Variants in MNAT1 observed in about 807,000 individuals in gnomAD.
The protein encoded by MNAT1 is CDK-activating kinase assembly factor MAT1.
MNAT1 carries 43 observed loss-of-function variants against 42.0 expected under a neutral mutation model. The observed-to-expected ratio is 1.02, with a 90% CI of 0.80 to 1.32. The LOEUF (loss-of-function observed/expected upper bound fraction) is 1.32. Among genes scored for constraint, MNAT1 ranks in the 40% most tolerant of loss-of-function variants. MNAT1 has a pLI of 0.00. For missense variants in MNAT1, 306 were observed against 350.4 expected (o/e 0.87, Z 1.01); for synonymous variants, 118 against 120.0 (o/e 0.98, Z 0.11).
chr14:60,881,360 T>C (rs566486265), intron 7 of MNAT1, among the ~76,000 whole-genome samples: 9 of 152,124 alleles, frequency 5.9e-5, no homozygotes, highest in African/African-American at 1.7e-4. Flanking sequence ...AATTATTGTA[T>C]TTTTTGTAGA....
At chr14:60,938,970 T>A (rs1047489508) in intron 7 of MNAT1, among the ~76,000 whole-genome samples, 1 of 152,240 alleles carries the variant, frequency 6.6e-6, no homozygotes, top group Non-Finnish European at 1.5e-5. Flanking sequence ...GGAGGGTGTA[T>A]GTGTCAAGGA....
rs527736018 is a variant in MNAT1 at position 60,919,084 on chromosome 14, T to C, written c.809+39249T>C. 6.6e-5 allele frequency among the ~76,000 whole-genome samples: 10 copies of C among 151,496 alleles called. No homozygotes were observed. In the South Asian group the frequency reaches 1.9e-3, roughly 29 times the overall value. ...GAGAGAGACAGACACACAGACAGTCTGCTCAGCATGTCAGCCAGGCAGCAT... is the reference window on the plus strand; with the variant it reads ...GAGAGAGACAGACACACAGACAGTCCGCTCAGCATGTCAGCCAGGCAGCAT... On this transcript the variant is annotated intron_variant, in intron 7 of 7. Coordinates refer to ENST00000261245, the MANE Select transcript of MNAT1 (RefSeq NM_002431.4).
intron 1 of MNAT1, among the ~76,000 whole-genome samples, chr14:60,782,642 A>C (rs2031504452): frequency 6.6e-6 from 1 of 152,192 alleles, no homozygotes; most frequent in Non-Finnish European, 1.5e-5. Context: ...TATATTTCTA[A>C]GCATTTTACC....
At chr14:60,938,566 A>C (rs2036063050) in intron 7 of MNAT1, among the ~76,000 whole-genome samples, 1 of 152,190 alleles carries the variant, frequency 6.6e-6, no homozygotes, top group African/African-American at 2.4e-5. Flanking sequence ...CTTGCATCCC[A>C]GGAATGAAGC....
chr14:60,766,794 C>T (rs2030846044), intron 1 of MNAT1, among the ~76,000 whole-genome samples: 1 of 152,118 alleles, frequency 6.6e-6, no homozygotes, highest in Admixed American at 6.5e-5. Flanking sequence ...GACTAGATTT[C>T]ATTTTGGGGA....
At chr14:60,931,046 A>G (rs907061879) in intron 7 of MNAT1, among the ~76,000 whole-genome samples, 2 of 152,180 alleles carry the variant, frequency 1.3e-5, no homozygotes, top group African/African-American at 4.8e-5. Flanking sequence ...GTATTTGAGA[A>G]GCCTGAAGTA....
At chr14:60,941,855 T>G (rs2139590370) in intron 7 of MNAT1, among the ~76,000 whole-genome samples, 1 of 150,838 alleles carries the variant, frequency 6.6e-6, no homozygotes, top group East Asian at 2.0e-4. Context: ...ATACAAAAAA[T>G]TAGCCGGGCG....
In MNAT1 at chr14:60,968,538, A is replaced by C. The variant is rs114206370; in HGVS notation, c.*189A>C. On this transcript the variant is annotated 3_prime_UTR_variant, in exon 8 of 8. Coordinates refer to ENST00000261245, the MANE Select transcript of MNAT1 (RefSeq NM_002431.4). ...AGGGGATATATATTTGTGAAAAATA[A>C]TTTTTACTTATATTTTTCAGAGGAT... 504 of 1,416,532 alleles carry C rather than the reference A, an allele frequency of 3.6e-4. 1 individual carries two copies. In the African/African-American group the frequency reaches 6.8e-3, roughly 19 times the overall value. 87.7% of individuals were successfully genotyped at this position (1,416,532 alleles called of 1,614,324 possible). A position where few individuals can be genotyped will look rare whatever the true frequency, so the allele number is the denominator to read the frequency against.
rs533161468 is a variant in MNAT1 at position 60,780,957 on chromosome 14, G to A, written c.90-15260G>A. Among the ~76,000 whole-genome samples the A allele has an allele frequency of 1.2e-4, 18 of 152,230 alleles. No homozygotes were observed. In the South Asian group the frequency reaches 3.1e-3, roughly 26 times the overall value. On this transcript the variant is annotated intron_variant, in intron 1 of 7. Coordinates refer to ENST00000261245, the MANE Select transcript of MNAT1 (RefSeq NM_002431.4). ...GGTCAAGTAGCTTGACTCAGTATAG[G>A]TAGGGAGATATTTAATTATAAAATA... is the stretch of plus-strand genomic sequence containing the variant.
At chr14:60,907,520 A>G (rs938489015) in intron 7 of MNAT1, among the ~76,000 whole-genome samples, 1 of 150,924 alleles carries the variant, frequency 6.6e-6, no homozygotes, top group Non-Finnish European at 1.5e-5. Flanking sequence ...AATTGTGGGG[A>G]CATTTGAAAG....
At chr14:60,820,499 G>A (rs2032850473) in intron 6 of MNAT1, among the ~76,000 whole-genome samples, 1 of 149,514 alleles carries the variant, frequency 6.7e-6, no homozygotes, top group African/African-American at 2.5e-5. Context: ...TACAGTCTAA[G>A]TAGAAGATAC....
At chr14:60,793,169 A>C (rs2031883714) in intron 1 of MNAT1, among the ~76,000 whole-genome samples, 1 of 149,748 alleles carries the variant, frequency 6.7e-6, no homozygotes, top group Non-Finnish European at 1.5e-5. Flanking sequence ...ATGCCCGGCT[A>C]ATTTGTTGGT....
rs140447795 is a variant in MNAT1, at chr14:60,851,614, G to A, written c.688-28100G>A. Among the ~76,000 whole-genome samples the A allele has an allele frequency of 4.1e-4, 62 of 152,138 alleles. No individual in the cohort carries two copies. In the South Asian group the frequency reaches 0.012, roughly 29 times the overall value. Reference sequence around the variant, plus strand: ...TTTGTTACGTAGGTACACATGTGCCGTGGTGGTTTGCTGCACCTATCAACC... The same window carrying A: ...TTTGTTACGTAGGTACACATGTGCCATGGTGGTTTGCTGCACCTATCAACC... On this transcript the variant is annotated intron_variant, in intron 6 of 7. Coordinates refer to ENST00000261245, the MANE Select transcript of MNAT1 (RefSeq NM_002431.4).
chr14:60,929,164 A>ATATAT (rs1396036965), intron 7 of MNAT1, among the ~76,000 whole-genome samples: 227 of 119,068 alleles, frequency 1.9e-3, no homozygotes, highest in African/African-American at 4.3e-3. Flanking sequence ...AAAAAAAAAA[A>ATATAT]AAAAAAATAT....
chr14:60,904,998 G>C (rs1031345510), intron 7 of MNAT1, among the ~76,000 whole-genome samples: 1 of 3,104 alleles, frequency 3.2e-4, no homozygotes, highest in African/African-American at 4.6e-4. Flanking sequence ...TTTTTTGGAC[G>C]GAGTCTCGCT....
intron 1 of MNAT1, among the ~76,000 whole-genome samples, chr14:60,743,731 A>G (rs1896538420): frequency 1.3e-5 from 2 of 152,236 alleles, no homozygotes; most frequent in African/African-American, 4.8e-5. Context: ...CTTTGACCAT[A>G]CAAAAGATAT....
chr14:60,744,365 C>T lies in MNAT1; in HGVS notation c.89+9414C>T, dbSNP rs1353180325. ...CAGGCTGGTCCCAAGCTCTTGACCT[C>T]AAGTGATCTGCGTGCCTCGGCCTCC... On this transcript the variant is annotated intron_variant, in intron 1 of 7. Coordinates refer to ENST00000261245, the MANE Select transcript of MNAT1 (RefSeq NM_002431.4). Among the ~76,000 whole-genome samples, 3 of 152,086 alleles carry T rather than the reference C, an allele frequency of 2.0e-5. 1 individual carries two copies. Among genetic ancestry groups the T allele is most frequent in the African/African-American group, 4.8e-5 (2 of 41,406 alleles).
intron 1 of MNAT1, among the ~76,000 whole-genome samples, chr14:60,737,989 C>CA: frequency 6.7e-6 from 1 of 149,948 alleles, no homozygotes; most frequent in Non-Finnish European, 1.5e-5. Context: ...GCTGGGACTA[C>CA]AGGCGCCCGC....
At chr14:60,948,359 G>C (rs532496257) in intron 7 of MNAT1, among the ~76,000 whole-genome samples, 1 of 152,186 alleles carries the variant, frequency 6.6e-6, no homozygotes, top group East Asian at 1.9e-4. Context: ...TGAGCCCAAG[G>C]AGTTCAAGGC....
Sources: allele counts gnomAD v4.1 joint callset (sites outside exome capture counted in the v4.1 genomes callset), GRCh38; gene constraint gnomAD v4.1.1; transcripts MANE v1.5; gene names NCBI Gene and HGNC (gene_info 2026-07-23, HGNC 2026-07-21).